The following FAM135B variants were observed in gnomAD, a reference collection of about 807,000 sequenced individuals.
FAM135B encodes protein FAM135B.
FAM135B carries 43 observed loss-of-function variants against 127.7 expected under a neutral mutation model. That is an observed-to-expected ratio of 0.34 (90% CI 0.26 to 0.43). The LOEUF is 0.43. FAM135B is among the 20% of genes least tolerant of loss of function. The pLI is 1.00. For synonymous variants in FAM135B, 670 were observed against 665.1 expected, an observed-to-expected ratio of 1.01 and a Z score of -0.11; for missense variants, 1,558 against 1,725.6, an observed-to-expected ratio of 0.90 and a Z score of 1.72.
chr8:138,167,610 G>C (rs574343716), intron 12 of FAM135B, among the ~76,000 whole-genome samples: 1 of 152,308 alleles, frequency 6.6e-6, no homozygotes, highest in South Asian at 2.1e-4. Context: ...GGGGTGGGCA[G>C]GCTGTGGTGC....
At chr8:138,405,739 T>C (rs1293536535) in intron 1 of FAM135B, among the ~76,000 whole-genome samples, 1 of 152,134 alleles carries the variant, frequency 6.6e-6, no homozygotes, top group Admixed American at 6.5e-5. Flanking sequence ...AGTAATGGGA[T>C]GGCTGGGACA....
chr8:138,342,484 C>T (rs958522434), intron 2 of FAM135B, among the ~76,000 whole-genome samples: 74 of 152,278 alleles, frequency 4.9e-4, no homozygotes, highest in African/African-American at 1.5e-3. Context: ...ACTGTGCTTG[C>T]GACCAAGAGC....
At chr8:138,347,106 AGAATGAAT>A (rs143057372) in intron 2 of FAM135B, among the ~76,000 whole-genome samples, 39 of 151,184 alleles carry the variant, frequency 2.6e-4, no homozygotes, top group Middle Eastern at 6.8e-3. Context: ...AACAAAAGGA[AGAATGAAT>A]GAATGAATGA....
chr8:138,165,205 C>T (rs1363262048), intron 12 of FAM135B, among the ~76,000 whole-genome samples: 1 of 151,526 alleles, frequency 6.6e-6, no homozygotes, highest in African/African-American at 2.4e-5. Flanking sequence ...ATCACAACCT[C>T]TGCCTCCCAG....
chr8:138,175,258 C>G (rs570835569), intron 11 of FAM135B, among the ~76,000 whole-genome samples: 16 of 152,162 alleles, frequency 1.1e-4, no homozygotes, highest in Non-Finnish European at 2.2e-4. Context: ...CCCTACTGCC[C>G]TCTGGCCCTC....
intron 1 of FAM135B, among the ~76,000 whole-genome samples, chr8:138,484,707 A>G (rs576651500): frequency 2.0e-5 from 3 of 151,940 alleles, no homozygotes; most frequent in Non-Finnish European, 4.4e-5. Context: ...TTTTTCTCCA[A>G]CATCCACATG....
intron 1 of FAM135B, among the ~76,000 whole-genome samples, chr8:138,422,467 A>C (rs2131461290): frequency 6.6e-6 from 1 of 152,308 alleles, no homozygotes; most frequent in South Asian, 2.1e-4. Flanking sequence ...GGACATGAAC[A>C]GACACTTCTC....
chr8:138,368,158 GAC>G (rs1475970329), intron 1 of FAM135B, among the ~76,000 whole-genome samples, 156 bp from the exon 2 acceptor site: 5 of 152,180 alleles, frequency 3.3e-5, no homozygotes, highest in Non-Finnish European at 7.3e-5. Context: ...TATGGAAAAA[GAC>G]ACAGAGAGAC....
At chr8:138,294,376 C>T (rs76566443) in intron 3 of FAM135B, among the ~76,000 whole-genome samples, 13,054 of 151,846 alleles carry the variant, frequency 0.086, 758 homozygotes, top group South Asian at 0.14. Context: ...ACCACCGTAC[C>T]CCAAAAGCTA....
Position 138,207,810 on chromosome 8 carries a change from C to T in FAM135B, c.670-10141G>A, listed in dbSNP as rs145349136. Among the ~76,000 whole-genome samples, 14 of 152,262 alleles carry T rather than the reference C, an allele frequency of 9.2e-5. No individual in the cohort carries two copies. In the South Asian group the frequency reaches 1.0e-3, roughly 11 times the overall value. ...GGTCTGCCTTGTTCTCCCTCAAAGGCGTCAATCTCCATCACTCTCGGCCCT... is the reference window on the plus strand; with the variant it reads ...GGTCTGCCTTGTTCTCCCTCAAAGGTGTCAATCTCCATCACTCTCGGCCCT... On this transcript the variant is annotated intron_variant, in intron 7 of 19. Coordinates refer to ENST00000395297, the MANE Select transcript of FAM135B (RefSeq NM_015912.4).
At chr8:138,206,434 T>C (rs1211995156) in intron 7 of FAM135B, among the ~76,000 whole-genome samples, 2,182 of 140,842 alleles carry the variant, frequency 0.015, no homozygotes, top group Admixed American at 0.018. Flanking sequence ...CACACAGCTC[T>C]ATCATCCCCT....
intron 9 of FAM135B, among the ~76,000 whole-genome samples, chr8:138,194,654 C>G (rs1168248784): frequency 6.6e-6 from 1 of 152,132 alleles, no homozygotes; most frequent in Non-Finnish European, 1.5e-5. Context: ...GTTAGTCACC[C>G]TGGTATAGAC....
At chr8:138,438,791 C>T (rs1835603858) in intron 1 of FAM135B, 1 of 152,188 alleles carries the variant, frequency 6.6e-6, no homozygotes, top group African/African-American at 2.4e-5. Flanking sequence ...CAACCAGATA[C>T]TGGACCAGCC....
rs1825706541 is a variant in FAM135B at position 138,299,323 on chromosome 8, C to T, written c.157+11518G>A. Among the ~76,000 whole-genome samples, 3 of 151,974 alleles carry T rather than the reference C, an allele frequency of 2.0e-5. No homozygotes were observed. In the South Asian group the frequency reaches 6.2e-4, roughly 32 times the overall value. ...CCTATCAAAGAAGGCCCAATTCATC[C>T]ACTATCATGAAAAGTAATTCTTAAA... On this transcript the variant is annotated intron_variant, in intron 3 of 19. Transcript: ENST00000395297.
chr8:138,416,879 C>T (rs956355594), intron 1 of FAM135B, among the ~76,000 whole-genome samples: 1 of 152,134 alleles, frequency 6.6e-6, no homozygotes, highest in Admixed American at 6.5e-5. Flanking sequence ...AGCACCAGGA[C>T]TCAGTCCTGG....
At chr8:138,311,332 C>A (rs1826669001) in intron 2 of FAM135B, among the ~76,000 whole-genome samples, 1 of 152,222 alleles carries the variant, frequency 6.6e-6, no homozygotes, top group Non-Finnish European at 1.5e-5. Flanking sequence ...AACACAAAAA[C>A]CACTTCCTTT....
intron 7 of FAM135B, among the ~76,000 whole-genome samples, chr8:138,239,306 G>C (rs1401015655): frequency 6.6e-6 from 1 of 152,138 alleles, no homozygotes; most frequent in Non-Finnish European, 1.5e-5. Flanking sequence ...TTCTCTGATG[G>C]CCAGTGATGA....
At position 138,226,184 on chromosome 8, in the gene FAM135B, T is replaced by TGTGTGTGTGTGC; in HGVS notation, c.669+16757_669+16758insGCACACACACAC. Among the ~76,000 whole-genome samples, 203 of 139,274 alleles carry TGTGTGTGTGTGC rather than the reference T, an allele frequency of 1.5e-3. 1 individual carries two copies. Among genetic ancestry groups the TGTGTGTGTGTGC allele is most frequent in the African/African-American group, 5.2e-3 (193 of 37,286 alleles). 91.4% of individuals were successfully genotyped at this position (139,274 alleles called of 152,430 possible). ...GTGTGTGTGTGTGTGTGTGTGTGTGTGCGCGCATGTCATTTTTTTTTTCAT... is the reference window on the plus strand; with the variant it reads ...GTGTGTGTGTGTGTGTGTGTGTGTGTGTGTGTGTGTGCGCGCGCATGTCATTTTTTTTTTCAT... On this transcript the variant is annotated intron_variant, in intron 7 of 19. Transcript: ENST00000395297.
At chr8:138,363,949 T>C (rs74977441) in intron 2 of FAM135B, among the ~76,000 whole-genome samples, 2,090 of 152,152 alleles carry the variant, frequency 0.014, 48 homozygotes, top group African/African-American at 0.047. Flanking sequence ...AATCCCCAAC[T>C]CTAATTTTTA....
Sources: allele counts gnomAD v4.1 joint callset (sites outside exome capture counted in the v4.1 genomes callset), GRCh38; gene constraint gnomAD v4.1.1; transcripts MANE v1.5; gene names NCBI Gene and HGNC (gene_info 2026-07-23, HGNC 2026-07-21).